GALNTL6: variants seen among roughly 807,000 people sequenced by gnomAD.
GALNTL6 encodes the protein polypeptide N-acetylgalactosaminyltransferase-like 6.
A neutral mutation model predicts 73.7 loss-of-function variants in GALNTL6; 46 were observed. The ratio of observed to expected loss-of-function variants is 0.62; its 90% CI spans 0.49 to 0.80. GALNTL6 has a LOEUF of 0.80. Among genes scored for constraint, GALNTL6 ranks in the 30% least tolerant of loss-of-function variants. GALNTL6 has a pLI of 0.00. For missense variants in GALNTL6, 604 were observed against 755.0 expected, an observed-to-expected ratio of 0.80 and a Z score of 2.34; for synonymous variants, 259 against 263.7, an observed-to-expected ratio of 0.98 and a Z score of 0.17.
At chr4:172,924,812 A>G (rs564973768) in intron 8 of GALNTL6, among the ~76,000 whole-genome samples, 30 of 152,316 alleles carry the variant, frequency 2.0e-4, no homozygotes, top group Admixed American at 5.2e-4. Context: ...TAAGAGCAGT[A>G]GAAAACCACT....
rs1194531647 is a variant in GALNTL6 at position 172,967,209 on chromosome 4, A to T, written c.1371+14951A>T. On this transcript the variant is annotated intron_variant, in intron 10 of 12. Transcript: ENST00000506823. ...CCTAGTTGTATTTTGCTCAGCCTTC[A>T]CTTACATTTTCCCTTAGACCTTTTC... 2.6e-5 allele frequency among the ~76,000 whole-genome samples: 4 copies of T among 152,152 alleles called. No homozygotes were observed. The East Asian group carries it at 7.7e-4, about 29-fold the overall frequency.
At chr4:172,114,340 T>C (rs1282645338) in intron 2 of GALNTL6, among the ~76,000 whole-genome samples, 1 of 152,074 alleles carries the variant, frequency 6.6e-6, no homozygotes, top group African/African-American at 2.4e-5. Context: ...GGGAGTCAAT[T>C]TGGAAATATA....
chr4:172,158,110 A>C (rs1013199467), intron 2 of GALNTL6, among the ~76,000 whole-genome samples: 5 of 152,154 alleles, frequency 3.3e-5, no homozygotes, highest in Admixed American at 1.3e-4. Flanking sequence ...GATTTGATTC[A>C]CCTCAGGTGC....
rs138636777 is a variant in GALNTL6, at chr4:172,108,711, C to T, written c.139-120945C>T. 1.4e-4 allele frequency among the ~76,000 whole-genome samples: 22 copies of T among 151,980 alleles called. No individual in the cohort carries two copies. The East Asian group carries it at 1.9e-3, about 13-fold the overall frequency. ...ACAAGTATCAGGGGGAAAAGGAAAG[C>T]GGAGGTGCAATAGAAATTTGAATTT... On this transcript the variant is annotated intron_variant, in intron 2 of 12. Transcript: ENST00000506823.
intron 2 of GALNTL6, among the ~76,000 whole-genome samples, chr4:171,894,705 C>T (rs1219445398): frequency 6.6e-6 from 1 of 152,104 alleles, no homozygotes; most frequent in Non-Finnish European, 1.5e-5. Flanking sequence ...TTAAATGATT[C>T]AAGTGACAAA....
chr4:171,933,990 A>G (rs1055193367), intron 2 of GALNTL6, among the ~76,000 whole-genome samples: 2 of 152,232 alleles, frequency 1.3e-5, no homozygotes, highest in Non-Finnish European at 2.9e-5. Context: ...GGGACTTTTT[A>G]AAATTTACAT....
intron 10 of GALNTL6, among the ~76,000 whole-genome samples, chr4:172,996,729 C>A (rs1253032308): frequency 6.6e-6 from 1 of 152,116 alleles, no homozygotes; most frequent in Non-Finnish European, 1.5e-5. Context: ...CAGGCAGAAC[C>A]AAGTAGAGTG....
intron 3 of GALNTL6, among the ~76,000 whole-genome samples, chr4:172,305,476 A>G (rs1740097630): frequency 6.6e-6 from 1 of 152,188 alleles, no homozygotes; most frequent in South Asian, 2.1e-4. Context: ...TTGATTTTAC[A>G]TTTGATAATA....
At chr4:172,428,574 G>A (rs997829937) in intron 5 of GALNTL6, among the ~76,000 whole-genome samples, 59 of 152,210 alleles carry the variant, frequency 3.9e-4, no homozygotes, top group African/African-American at 1.3e-3. Flanking sequence ...ATCTCTTAGA[G>A]GATTATTTGT....
chr4:172,380,202 A>G, intron 5 of GALNTL6: 1 of 1,002,554 alleles, frequency 1.0e-6, no homozygotes, highest in African/African-American at 1.6e-5. Context: ...AGGGCTGGGG[A>G]CCACTTACCT....
chr4:171,916,635 A>C (rs1304779799), intron 2 of GALNTL6, among the ~76,000 whole-genome samples: 1 of 152,130 alleles, frequency 6.6e-6, no homozygotes, highest in Non-Finnish European at 1.5e-5. Flanking sequence ...TCAAAGTGTG[A>C]AGTGAGTTAA....
At chr4:172,421,113 GT>G (rs2111361905) in intron 5 of GALNTL6, among the ~76,000 whole-genome samples, 1 of 152,052 alleles carries the variant, frequency 6.6e-6, no homozygotes, top group South Asian at 2.1e-4. Flanking sequence ...ATGTATACCT[GT>G]GTAATAAACC....
rs527452798 is a variant in GALNTL6, at chr4:172,765,418, T to A, written c.554-43943T>A. Among the ~76,000 whole-genome samples the A allele has an allele frequency of 6.9e-4, 105 of 152,326 alleles. 2 individuals carry two copies. The highest frequency in any genetic ancestry group is 1.0e-3 in the Non-Finnish European group (69 of 68,018). On this transcript the variant is annotated intron_variant, in intron 5 of 12. Transcript: ENST00000506823. Reference sequence around the variant, plus strand: ...CCAAACACCCTATAATCCATCTAAGTCCTTGTTTGGTAAATATCTCATGGA... The same window carrying A: ...CCAAACACCCTATAATCCATCTAAGACCTTGTTTGGTAAATATCTCATGGA...
In GALNTL6 at chr4:172,541,736, G is replaced by A. The variant is rs914156337; in HGVS notation, c.553+193047G>A. On this transcript the variant is annotated intron_variant, in intron 5 of 12. Transcript: ENST00000506823. Reference sequence around the variant, plus strand: ...CTGCTAGGATTTGAGAGGGCCACATGAGCAGTGTGTTTACCGAAGTTGTAT... The same window carrying A: ...CTGCTAGGATTTGAGAGGGCCACATAAGCAGTGTGTTTACCGAAGTTGTAT... Among the ~76,000 whole-genome samples, 4 of 152,182 alleles carry A rather than the reference G, an allele frequency of 2.6e-5. No individual in the cohort carries two copies. In the East Asian group the frequency reaches 5.8e-4, roughly 22 times the overall value.
At chr4:172,962,244 G>A (rs564476496) in intron 10 of GALNTL6, among the ~76,000 whole-genome samples, 1 of 152,268 alleles carries the variant, frequency 6.6e-6, no homozygotes, top group Admixed American at 6.5e-5. Context: ...GGCAGGAACT[G>A]GCCATCTGGA....
chr4:172,710,937 T>A (rs1734666287), intron 5 of GALNTL6, among the ~76,000 whole-genome samples: 2 of 152,274 alleles, frequency 1.3e-5, no homozygotes, highest in South Asian at 4.1e-4. Context: ...TCCCATTGTA[T>A]GCCAGGCACT....
At chr4:172,824,329 G>C (rs927114007) in intron 7 of GALNTL6, among the ~76,000 whole-genome samples, 4 of 151,662 alleles carry the variant, frequency 2.6e-5, no homozygotes, top group Non-Finnish European at 5.9e-5. Flanking sequence ...TGGCCACAAG[G>C]GCTTTCAGTC....
chr4:172,859,489 C>T (rs896215802), intron 7 of GALNTL6, among the ~76,000 whole-genome samples: 6 of 151,912 alleles, frequency 3.9e-5, no homozygotes, highest in Non-Finnish European at 5.9e-5. Context: ...TATCATCCTC[C>T]GAGACTTGCA....
chr4:172,432,697 T>G (rs1731497652), intron 5 of GALNTL6, among the ~76,000 whole-genome samples: 1 of 152,084 alleles, frequency 6.6e-6, no homozygotes, highest in Admixed American at 6.6e-5. Flanking sequence ...TAGTTGAATT[T>G]ATAGGTATGT....
Sources: allele counts gnomAD v4.1 joint callset (sites outside exome capture counted in the v4.1 genomes callset), GRCh38; gene constraint gnomAD v4.1.1; transcripts MANE v1.5; gene names NCBI Gene and HGNC (gene_info 2026-07-23, HGNC 2026-07-21).